Variants in APBA2 observed in about 807,000 individuals in gnomAD.
The protein encoded by APBA2 is amyloid beta precursor protein binding family A member 2, also known as amyloid-beta A4 precursor protein-binding family A member 2.
Under a neutral mutation model 75.0 loss-of-function variants are expected in APBA2, and 30 were observed. The ratio of observed to expected loss-of-function variants is 0.40; its 90% confidence interval spans 0.30 to 0.54. The LOEUF (loss-of-function observed/expected upper bound fraction) is 0.54, where lower values mean the gene tolerates loss of function less well. Ranked by LOEUF, APBA2 falls within the 20% of genes least tolerant of loss-of-function variation. The pLI is 0.49. For missense variants in APBA2, 801 were observed against 1,016.1 expected, an observed-to-expected ratio of 0.79 and a Z score of 2.88; for synonymous variants, 444 against 409.6, an observed-to-expected ratio of 1.08 and a Z score of -1.01.
intron 13 of APBA2, among the ~76,000 whole-genome samples, chr15:29,112,421 G>A (rs1158094933): frequency 6.6e-6 from 1 of 152,216 alleles, no homozygotes; most frequent in Non-Finnish European, 1.5e-5. Flanking sequence ...GTAGGAGACG[G>A]GGAGGCCCCC....
chr15:28,910,243 T>A (rs1282711928), intron 1 of APBA2, among the ~76,000 whole-genome samples: 1 of 152,196 alleles, frequency 6.6e-6, no homozygotes, highest in East Asian at 1.9e-4. Context: ...AGCAAAGGAC[T>A]GACCATCTGT....
In APBA2 at chr15:29,083,481, A is replaced by AT. The variant is rs1188405090; in HGVS notation, c.1069+7391dup. On this transcript the variant is annotated intron_variant, in intron 6 of 14. Transcript: ENST00000683413. The stretch of plus-strand genomic sequence containing the variant: ...GGTATTTTTGCACTTTTATTTTTCC[A>AT]TAGTAACTTTAAAACTAGCTTGTCT... 4.6e-5 allele frequency among the ~76,000 whole-genome samples: 7 copies of AT among 152,084 alleles called. No homozygotes were observed. In the East Asian group the frequency reaches 1.4e-3, roughly 29 times the overall value.
intron 3 of APBA2, among the ~76,000 whole-genome samples, chr15:29,042,087 C>T (rs891477088): frequency 4.6e-5 from 7 of 152,086 alleles, no homozygotes; most frequent in Non-Finnish European, 8.8e-5. Context: ...CATGCGTCTC[C>T]GTTTGCTTGT....
At chr15:29,032,710 T>C (rs1276900248) in intron 3 of APBA2, among the ~76,000 whole-genome samples, 1 of 152,184 alleles carries the variant, frequency 6.6e-6, no homozygotes, top group Non-Finnish European at 1.5e-5. Context: ...TGCCTTTATG[T>C]TAGTAGCACT....
chr15:29,072,644 C>T (rs947964166), intron 4 of APBA2, among the ~76,000 whole-genome samples: 2 of 152,032 alleles, frequency 1.3e-5, no homozygotes, highest in Non-Finnish European at 2.9e-5. Flanking sequence ...TCACAGCCCT[C>T]TTGTAGGGGG....
chr15:29,037,544 TGTGGGTGAGGACCTGAGGCAA>T (rs1322234232), intron 3 of APBA2, among the ~76,000 whole-genome samples: 1 of 152,024 alleles, frequency 6.6e-6, no homozygotes, highest in East Asian at 1.9e-4. Context: ...ACATGTCTTT[TGTGGGTGAGGACCTGAGGCAA>T]GCAGAGAGAG....
At chr15:29,007,562 A>G (rs1322883275) in intron 3 of APBA2, among the ~76,000 whole-genome samples, 1 of 152,232 alleles carries the variant, frequency 6.6e-6, no homozygotes, top group Non-Finnish European at 1.5e-5. Context: ...ACAAACGAAC[A>G]AAGGGCTTGA....
chr15:29,012,372 C>T (rs2039443987), intron 3 of APBA2, among the ~76,000 whole-genome samples: 1 of 152,118 alleles, frequency 6.6e-6, no homozygotes, highest in Admixed American at 6.6e-5. Flanking sequence ...GCATTTTTCT[C>T]ATGGTTCAAT....
At chr15:28,919,477 C>G (rs565288632) in intron 1 of APBA2, 6 of 152,690 alleles carry the variant, frequency 3.9e-5, no homozygotes, top group Non-Finnish European at 7.3e-5. Context: ...CAGCCCCCGG[C>G]CCCGTGGCAG....
intron 1 of APBA2, among the ~76,000 whole-genome samples, chr15:28,892,615 T>G (rs1368201089): frequency 1.3e-5 from 2 of 151,954 alleles, no homozygotes; most frequent in South Asian, 2.1e-4. Context: ...TCCCTGCCAT[T>G]AAGCGATGCA....
intron 3 of APBA2, among the ~76,000 whole-genome samples, chr15:29,001,228 T>C (rs2038827466): frequency 6.6e-6 from 1 of 152,134 alleles, no homozygotes; most frequent in African/African-American, 2.4e-5. Context: ...TATTTATTTT[T>C]TTTGAGACAG....
At chr15:28,902,082 G>A (rs1023090970) in intron 1 of APBA2, among the ~76,000 whole-genome samples, 1 of 151,980 alleles carries the variant, frequency 6.6e-6, no homozygotes, top group Non-Finnish European at 1.5e-5. Context: ...GAAGGTAAAG[G>A]GGGGTGCATT....
At chr15:29,073,564 C>G (rs1251593424) in intron 4 of APBA2, among the ~76,000 whole-genome samples, 2 of 152,202 alleles carry the variant, frequency 1.3e-5, no homozygotes, top group African/African-American at 4.8e-5. Context: ...GTTGGCCAGG[C>G]TAGTCTCAAA....
At chr15:28,934,954 G>A (rs1228297505) in intron 2 of APBA2, among the ~76,000 whole-genome samples, 2 of 152,198 alleles carry the variant, frequency 1.3e-5, no homozygotes, top group Non-Finnish European at 2.9e-5. Flanking sequence ...GACACGCTGC[G>A]TGCTTATGAA....
rs1010941092 is a variant in APBA2, at chr15:28,886,159, C to T, written c.-324C>T. The T allele has an allele frequency of 6.6e-6, 1 of 150,684 alleles. No individual in the cohort carries two copies. The highest frequency in any genetic ancestry group is 6.6e-5 in the Admixed American group (1 of 15,136). 9.3% of individuals were successfully genotyped at this position (150,684 alleles called of 1,614,324 possible). A position where few individuals can be genotyped will look rare whatever the true frequency, so the allele number is the denominator to read the frequency against. On this transcript the variant is annotated 5_prime_UTR_variant, in exon 1 of 15. Coordinates refer to ENST00000683413, the MANE Select transcript of APBA2 (RefSeq NM_001353788.2). ...GGGAAGCTATTCAGCTTCCCGGGCT[C>T]ATTAGCAGTCGCGGTGTGCGGCTCG...
intron 1 of APBA2, among the ~76,000 whole-genome samples, chr15:28,890,229 A>G (rs1016876341): frequency 6.6e-6 from 1 of 152,206 alleles, no homozygotes; most frequent in Admixed American, 6.5e-5. Flanking sequence ...AGTTTCACAT[A>G]GGCCAGAGGA....
intron 6 of APBA2, among the ~76,000 whole-genome samples, chr15:29,077,601 T>A (rs555164111): frequency 3.5e-4 from 54 of 152,284 alleles, no homozygotes; most frequent in Non-Finnish European, 6.3e-4. Flanking sequence ...CTTGGTTCCC[T>A]GCACCACTCA....
intron 2 of APBA2, among the ~76,000 whole-genome samples, chr15:28,945,016 C>T (rs777098642): frequency 6.6e-6 from 1 of 152,186 alleles, no homozygotes; most frequent in Non-Finnish European, 1.5e-5. Context: ...TTGAACTTTG[C>T]CCTGAAGAGC....
intron 1 of APBA2, among the ~76,000 whole-genome samples, chr15:28,892,177 C>A (rs1168152781): frequency 6.6e-6 from 1 of 152,190 alleles, no homozygotes; most frequent in Non-Finnish European, 1.5e-5. Context: ...CGGGTTCATG[C>A]CATTCTCCTG....
Sources: gnomAD v4.1 joint callset for allele counts (sites outside exome capture counted in the v4.1 genomes callset) on GRCh38, gnomAD v4.1.1 for gene constraint, MANE v1.5 for transcripts, NCBI Gene and HGNC (gene_info 2026-07-23, HGNC 2026-07-21) for gene names.